The following STAT5B variants were observed in gnomAD, a reference collection of about 807,000 sequenced individuals.
STAT5B encodes signal transducer and activator of transcription 5B.
A neutral mutation model predicts 107.8 loss-of-function variants in STAT5B; 21 were observed. The observed-to-expected ratio is 0.19, with a 90% CI of 0.14 to 0.28. The LOEUF (loss-of-function observed/expected upper bound fraction) is 0.28. STAT5B is among the 10% of genes least tolerant of loss of function. The pLI, the probability that STAT5B is intolerant of heterozygous loss-of-function variation, is 1.00. For synonymous variants in STAT5B, 325 were observed against 401.7 expected (o/e 0.81, Z 2.28); for missense variants, 565 against 1,008.2 (o/e 0.56, Z 5.95).
At chr17:42,206,505 T>C (rs539037623) in intron 16 of STAT5B, among the ~76,000 whole-genome samples, 4 of 152,342 alleles carry the variant, frequency 2.6e-5, no homozygotes, top group Admixed American at 6.5e-5. Context: ...AGTGCAAGAA[T>C]AGTCACTAAA....
At chr17:42,286,464 C>T in the STAT5B span, among the ~76,000 whole-genome samples, 1 of 152,098 alleles carries the variant, frequency 6.6e-6, no homozygotes, top group Non-Finnish European at 1.5e-5. Flanking sequence ...CTTTTTAGGA[C>T]CTAGGACTAC....
intron 1 of STAT5B, among the ~76,000 whole-genome samples, chr17:42,256,098 A>C (rs2080541468): frequency 6.6e-6 from 1 of 152,182 alleles, no homozygotes; most frequent in East Asian, 1.9e-4. Flanking sequence ...AAAATGGTAA[A>C]TTTTATGATA....
intron 15 of STAT5B, among the ~76,000 whole-genome samples, chr17:42,209,531 C>T (rs2080112414): frequency 6.6e-6 from 1 of 152,080 alleles, no homozygotes; most frequent in African/African-American, 2.4e-5. Flanking sequence ...TCGAGACCAG[C>T]CTGGGCAACA....
chr17:42,281,140 A>AAAAAAAC (rs1555555751), upstream of STAT5B, among the ~76,000 whole-genome samples: 2 of 152,046 alleles, frequency 1.3e-5, no homozygotes, highest in African/African-American at 4.8e-5. Context: ...TCTCAAAAAA[A>AAAAAAAC]AAAAACAAAA....
intron 16 of STAT5B, among the ~76,000 whole-genome samples, chr17:42,205,989 C>T (rs909783421): frequency 1.3e-5 from 2 of 152,144 alleles, no homozygotes; most frequent in African/African-American, 4.8e-5. Context: ...CACCTCCACT[C>T]TCCTCCCTGC....
the STAT5B span, among the ~76,000 whole-genome samples, chr17:42,285,545 A>G: frequency 1.5e-3 from 230 of 152,200 alleles, 3 homozygotes; most frequent in African/African-American, 5.2e-3. Context: ...ATCTTCCTGA[A>G]CCCCCATCCC....
At chr17:42,221,503 C>T (rs930315915) in intron 5 of STAT5B, among the ~76,000 whole-genome samples, 1 of 152,190 alleles carries the variant, frequency 6.6e-6, no homozygotes, top group African/African-American at 2.4e-5. Context: ...CGTGATAGAT[C>T]CAAACCCAAC....
intron 1 of STAT5B, among the ~76,000 whole-genome samples, chr17:42,240,751 C>T (rs574819419): frequency 3.3e-5 from 5 of 152,224 alleles, no homozygotes; most frequent in Non-Finnish European, 7.3e-5. Flanking sequence ...ACTTGCACCA[C>T]TGCACCAGGC....
At chr17:42,217,556 G>C (rs1241520491) in intron 9 of STAT5B, 92 bp from the exon 10 acceptor site, 1 of 1,422,874 alleles carries the variant, frequency 7.0e-7, no homozygotes, top group Admixed American at 1.8e-5. Flanking sequence ...AGGAAATAGA[G>C]AAGTTTGCTA....
chr17:42,217,130 C>A (rs376130696), intron 11 of STAT5B, 30 bp downstream of exon 11: 3 of 1,600,336 alleles, frequency 1.9e-6, no homozygotes, highest in African/African-American at 1.4e-5. Context: ...CACACGCACA[C>A]GCACACGCAG....
At chr17:42,246,722 G>A (rs1302601423) in intron 1 of STAT5B, among the ~76,000 whole-genome samples, 1 of 152,176 alleles carries the variant, frequency 6.6e-6, no homozygotes. Context: ...AGGAGGTCAA[G>A]GCTGCAGTGA....
chr17:42,262,999 TATATATATATATATATAA>T (rs1195661270), intron 1 of STAT5B, among the ~76,000 whole-genome samples: 9,327 of 69,026 alleles, frequency 0.14, 871 homozygotes, highest in South Asian at 0.16. Context: ...TATATATATA[TATATATATATATATATAA>T]AAAAACAAAA....
chr17:42,257,667 A>C (rs1430137583), intron 1 of STAT5B, among the ~76,000 whole-genome samples: 1 of 152,234 alleles, frequency 6.6e-6, no homozygotes, highest in African/African-American at 2.4e-5. Context: ...CAATCTTCAC[A>C]AAGCACTAAA....
At chr17:42,265,790 T>G (rs1473392778) in intron 1 of STAT5B, among the ~76,000 whole-genome samples, 1 of 152,222 alleles carries the variant, frequency 6.6e-6, no homozygotes, top group Non-Finnish European at 1.5e-5. Context: ...TTTTCAATAT[T>G]TTTAGTCTTC....
intron 12 of STAT5B, among the ~76,000 whole-genome samples, chr17:42,212,783 TACAA>T (rs1243220017): frequency 6.6e-6 from 1 of 152,244 alleles, no homozygotes; most frequent in African/African-American, 2.4e-5. Context: ...TTTATTTTGT[TACAA>T]ACACTTTTTT....
At chr17:42,254,398 G>A (rs1598331386) in intron 1 of STAT5B, among the ~76,000 whole-genome samples, 1 of 151,956 alleles carries the variant, frequency 6.6e-6, no homozygotes, top group East Asian at 1.9e-4. Context: ...CCAAGATCCT[G>A]CTTTAAAGCT....
At chr17:42,228,799 C>T (rs112590391) in intron 2 of STAT5B, among the ~76,000 whole-genome samples, 2,063 of 152,114 alleles carry the variant, frequency 0.014, 57 homozygotes, top group African/African-American at 0.048. Flanking sequence ...CCGGGCGTGG[C>T]GGCATGTGCC....
At chr17:42,224,402 C>T (rs1264415041) in intron 4 of STAT5B, among the ~76,000 whole-genome samples, 1 of 151,098 alleles carries the variant, frequency 6.6e-6, no homozygotes, top group African/African-American at 2.4e-5. Flanking sequence ...TGCAGGGGTG[C>T]GATCATGGCT....
chr17:42,265,373 T>TCTTC (rs2080659405), intron 1 of STAT5B, among the ~76,000 whole-genome samples: 1 of 142,082 alleles, frequency 7.0e-6, no homozygotes, highest in Non-Finnish European at 1.5e-5. Flanking sequence ...GGGTATGTAC[T>TCTTC]CTTCTTTTTT....
Sources: gnomAD v4.1 joint callset for allele counts (sites outside exome capture counted in the v4.1 genomes callset) on GRCh38, gnomAD v4.1.1 for gene constraint, MANE v1.5 for transcripts, NCBI Gene and HGNC (gene_info 2026-07-23, HGNC 2026-07-21) for gene names.